ZNF81: variants seen among roughly 807,000 people sequenced by gnomAD.
The protein encoded by ZNF81 is zinc finger protein 81 (HFZ20).
ZNF81 carries 5 observed loss-of-function variants against 32.3 expected under a neutral mutation model. The ratio of observed to expected loss-of-function variants is 0.15; its 90% CI spans 0.08 to 0.33. The LOEUF is 0.33. Among genes scored for constraint, ZNF81 ranks in the 10% least tolerant of loss-of-function variants. The probability of loss-of-function intolerance (pLI) is 1.00; values close to 1 mark genes in which losing one functional copy is unlikely to be tolerated. For missense variants in ZNF81, 379 were observed against 479.8 expected (o/e 0.79, Z 1.96); for synonymous variants, 163 against 166.8 (o/e 0.98, Z 0.17).
intron 2 of ZNF81, among the ~76,000 whole-genome samples, chrX:47,860,457 G>T (rs1255085623): frequency 9.1e-6 from 1 of 109,704 alleles, no homozygotes; most frequent in Admixed American, 9.7e-5. Flanking sequence ...TTCAGGAGTG[G>T]GGCTGATCAC....
At chrX:47,887,891 C>G in intron 2 of ZNF81, 108 bp from the exon 3 acceptor site, 1 of 937,901 alleles carries the variant, frequency 1.1e-6, no homozygotes, top group Non-Finnish European at 1.5e-6. Context: ...AATGGGCATA[C>G]CATATCGTAT....
chrX:47,905,044 C>T (rs1289629107), intron 4 of ZNF81, among the ~76,000 whole-genome samples: 2 of 108,509 alleles, frequency 1.8e-5, no homozygotes, highest in Admixed American at 9.9e-5. Context: ...AGGGGAACAT[C>T]ACACACCAGG....
In ZNF81 at chrX:47,875,836, G is replaced by A. The variant is rs148140649; in HGVS notation, c.55-12163G>A. The stretch of plus-strand genomic sequence containing the variant: ...TGCTAATGAGATTGCAAAGGTAGCA[G>A]GAAATCTCACCCTTTTATATAGCCA... On this transcript the variant is annotated intron_variant, in intron 2 of 4. Coordinates refer to ENST00000338637, the MANE Select transcript of ZNF81 (RefSeq NM_007137.5). Among the ~76,000 whole-genome samples the A allele has an allele frequency of 8.0e-3, 895 of 112,321 alleles. 3 individuals are homozygous for A. The highest frequency in any genetic ancestry group is 0.013 in the Non-Finnish European group (676 of 53,253).
intron 2 of ZNF81, among the ~76,000 whole-genome samples, chrX:47,849,672 C>CAA (rs1174293911): frequency 6.4e-5 from 4 of 62,489 alleles, no homozygotes; most frequent in Non-Finnish European, 1.2e-4. Flanking sequence ...GACTCCGTCT[C>CAA]AAAAAAAAAA....
intron 2 of ZNF81, among the ~76,000 whole-genome samples, chrX:47,883,619 T>G (rs1473914855): frequency 8.9e-6 from 1 of 112,536 alleles, no homozygotes; most frequent in Non-Finnish European, 1.9e-5. Context: ...CTTTAGTAAT[T>G]CCTTTCTTTT....
chrX:47,883,476 T>C (rs2058628863), intron 2 of ZNF81, among the ~76,000 whole-genome samples: 1 of 112,416 alleles, frequency 8.9e-6, no homozygotes, highest in African/African-American at 3.2e-5. Context: ...CATGCTTACG[T>C]CAAGGTTGCA....
At chrX:47,892,140 A>G (rs781795280) in intron 3 of ZNF81, among the ~76,000 whole-genome samples, 1 of 112,014 alleles carries the variant, frequency 8.9e-6, no homozygotes, top group African/African-American at 3.2e-5. Context: ...ACCATGATCA[A>G]CTAGCCAGTG....
Position 47,916,037 on chromosome X carries a change from A to C in ZNF81, c.1391A>C (p.His464Pro). ...CACTTGATTGCACATCAAAGAATTC[A>C]TACTGGAGAGAAGCCTTATGAATGC... ...KAHLIAHQRI[H>P]TGEKPYECSD... Residue 464 changes from histidine (H) to proline (P), a missense_variant, in exon 5 of 5, where the codon CAT becomes CCT. Coordinates refer to ENST00000338637, the MANE Select transcript of ZNF81 (RefSeq NM_007137.5). 8.3e-7 allele frequency: 1 copy of C among 1,211,844 alleles called. No individual in the cohort carries two copies. The highest frequency in any genetic ancestry group is 1.1e-6 in the Non-Finnish European group (1 of 895,544).
chrX:47,858,360 T>C (rs1207503), intron 2 of ZNF81, among the ~76,000 whole-genome samples: 8,412 of 111,905 alleles, frequency 0.075, 754 homozygotes, highest in African/African-American at 0.26. Flanking sequence ...GCCAGAACTC[T>C]TCATTTGGGA....
Position 47,922,683 on chromosome X carries a change from T to C in ZNF81, c.*6051T>C, listed in dbSNP as rs1171494868. On this transcript the variant is annotated 3_prime_UTR_variant, in exon 5 of 5. Transcript: ENST00000338637. ...GTACACACTACCACCTATCATAGAT[T>C]TGACTAAGAAGCATATTTCTTTCCT... 1.8e-5 allele frequency among the ~76,000 whole-genome samples: 2 copies of C among 111,603 alleles called. No homozygotes were observed. Among genetic ancestry groups the C allele is most frequent in the African/African-American group, 6.5e-5 (2 of 30,624 alleles).
intron 3 of ZNF81, among the ~76,000 whole-genome samples, chrX:47,890,669 G>T (rs1556886362): frequency 9.0e-6 from 1 of 111,685 alleles, no homozygotes; most frequent in Non-Finnish European, 1.9e-5. Flanking sequence ...CTCTTGTTCT[G>T]GTCCCCACTG....
intron 3 of ZNF81, 34 bp downstream of exon 3, chrX:47,888,159 C>T: frequency 8.4e-7 from 1 of 1,195,583 alleles, no homozygotes; most frequent in Non-Finnish European, 1.1e-6. Context: ...TTGTGAGGAG[C>T]CTGTTATGGG....
intron 2 of ZNF81, among the ~76,000 whole-genome samples, chrX:47,870,180 G>A (rs890597936): frequency 1.8e-5 from 2 of 111,881 alleles, no homozygotes; most frequent in African/African-American, 3.3e-5. Context: ...GGGTTCCTAA[G>A]GAAGAGAGGA....
At chrX:47,884,464 G>A (rs2058633859) in intron 2 of ZNF81, among the ~76,000 whole-genome samples, 1 of 110,338 alleles carries the variant, frequency 9.1e-6, no homozygotes, top group Non-Finnish European at 1.9e-5. Flanking sequence ...GGCTGGGGCT[G>A]CATTCATCTT....
Position 47,856,362 on chromosome X carries a change from G to A in ZNF81, c.54+10041G>A, listed in dbSNP as rs565471920. On this transcript the variant is annotated intron_variant, in intron 2 of 4. Coordinates refer to ENST00000338637, the MANE Select transcript of ZNF81 (RefSeq NM_007137.5). The stretch of plus-strand genomic sequence containing the variant: ...TTGATAGACTTTGGGAGAGAAACAT[G>A]CATAGAATTCTGGTCTTATGTTGGG... Among the ~76,000 whole-genome samples the A allele has an allele frequency of 4.8e-4, 54 of 111,461 alleles. No homozygotes were observed. The South Asian group carries it at 0.018, about 38-fold the overall frequency.
At chrX:47,866,636 G>T (rs1054412837) in intron 2 of ZNF81, among the ~76,000 whole-genome samples, 2 of 111,445 alleles carry the variant, frequency 1.8e-5, no homozygotes, top group Non-Finnish European at 3.8e-5. Context: ...ATGACATGCA[G>T]GTAGTTACAG....
At chrX:47,857,269 G>GA (rs1473275146) in intron 2 of ZNF81, among the ~76,000 whole-genome samples, 2 of 110,890 alleles carry the variant, frequency 1.8e-5, no homozygotes, top group South Asian at 7.5e-4. Flanking sequence ...ATGAAGCAAA[G>GA]AAAAAAAAAT....
chrX:47,871,857 A>G (rs1251244638), intron 2 of ZNF81, among the ~76,000 whole-genome samples: 1 of 112,152 alleles, frequency 8.9e-6, no homozygotes, highest in Non-Finnish European at 1.9e-5. Context: ...AACAGCATCC[A>G]GAAGAACTGG....
In ZNF81 at chrX:47,917,238, A is replaced by G. The variant is rs1603211772; in HGVS notation, c.*606A>G. The G allele has an allele frequency of 3.4e-6, 1 of 297,167 alleles. No individual in the cohort carries two copies. The highest frequency in any genetic ancestry group is 4.7e-5 in the East Asian group (1 of 21,058). The allele number at this position is 297,167 out of a possible 1,213,427, so 24.5% of individuals were successfully genotyped here. A position where few individuals can be genotyped will look rare whatever the true frequency, so the allele number is the denominator to read the frequency against. On this transcript the variant is annotated 3_prime_UTR_variant, in exon 5 of 5. Coordinates refer to ENST00000338637, the MANE Select transcript of ZNF81 (RefSeq NM_007137.5). ...TCTATCAAGTGAATCCACAATTTAA[A>G]AGTCACTTTGGTTTTATATATACAC...
Sources: gnomAD v4.1 joint callset for allele counts (sites outside exome capture counted in the v4.1 genomes callset) on GRCh38, gnomAD v4.1.1 for gene constraint, MANE v1.5 for transcripts, NCBI Gene and HGNC (gene_info 2026-07-23, HGNC 2026-07-21) for gene names.